Variants in ZC3H18 observed in about 807,000 individuals in gnomAD.
The protein encoded by ZC3H18 is zinc finger CCCH-type containing 18.
In ZC3H18, 8 loss-of-function variants were observed where a neutral mutation model predicts 106.1. That is an observed-to-expected ratio of 0.08 (90% confidence interval 0.04 to 0.14). The LOEUF is 0.14. ZC3H18 is among the 10% of genes least tolerant of loss of function. ZC3H18 has a pLI of 1.00. For synonymous variants in ZC3H18, 635 were observed against 522.1 expected (o/e 1.22, Z -2.95); for missense variants, 1,318 against 1,278.4 (o/e 1.03, Z -0.47).
At chr16:88,622,090 T>C in intron 8 of ZC3H18, 107 bp from the exon 9 acceptor site, 1 of 1,333,886 alleles carries the variant, frequency 7.5e-7, no homozygotes, top group Non-Finnish European at 1.0e-6. Context: ...AGGTGATCCT[T>C]AAATAAGCCA....
At chr16:88,579,818 A>G (rs1327022644) in intron 2 of ZC3H18, among the ~76,000 whole-genome samples, 1 of 152,106 alleles carries the variant, frequency 6.6e-6, no homozygotes, top group Non-Finnish European at 1.5e-5. Context: ...AGCGCCCCAC[A>G]TCCCCCATAG....
At chr16:88,571,144 C>G (rs879001344) in intron 1 of ZC3H18, among the ~76,000 whole-genome samples, 1 of 152,210 alleles carries the variant, frequency 6.6e-6, no homozygotes, top group Non-Finnish European at 1.5e-5. Flanking sequence ...TTTATATAGA[C>G]CAACTGCAGC....
intron 6 of ZC3H18, among the ~76,000 whole-genome samples, chr16:88,606,059 G>A (rs1904996293): frequency 6.6e-6 from 1 of 152,218 alleles, no homozygotes; most frequent in South Asian, 2.1e-4. Context: ...CGAGGTGCGA[G>A]CCTCCCAGTT....
intron 2 of ZC3H18, among the ~76,000 whole-genome samples, chr16:88,586,251 C>G (rs184375135): frequency 6.6e-6 from 1 of 152,158 alleles, no homozygotes; most frequent in African/African-American, 2.4e-5. Context: ...ATATTTTGTT[C>G]TCCATATTTT....
In ZC3H18 at chr16:88,577,325, G is replaced by A. The variant is rs761106825; in HGVS notation, c.202G>A (p.Asp68Asn). The change falls in exon 2 of 18, where the codon GAC (aspartate) becomes AAC (asparagine). Residue 68 changes from aspartate to asparagine, a missense_variant. This residue lies in a region of ZC3H18 where 346 missense variants were observed against 269.0 expected (regional missense o/e 1.29). Coordinates refer to ENST00000301011, the MANE Select transcript of ZC3H18 (RefSeq NM_144604.4). ...PSQEEEDNHS[D>N]EEDRASEPKS... ...CCAGGAGGAGGAAGATAATCACTCC[G>A]ACGAGGAGGACCGGGCAAGTGAGCC... is the stretch of plus-strand genomic sequence containing the variant. 15 of 1,609,590 alleles carry A rather than the reference G, an allele frequency of 9.3e-6. No homozygotes were observed. Among genetic ancestry groups the A allele is most frequent in the South Asian group, 2.2e-5 (2 of 90,508 alleles).
At chr16:88,593,848 G>C (rs1373856996) in intron 3 of ZC3H18, among the ~76,000 whole-genome samples, 1 of 152,230 alleles carries the variant, frequency 6.6e-6, no homozygotes, top group East Asian at 1.9e-4. Context: ...CAGCTTCTCA[G>C]TGTGTCAGGA....
chr16:88,574,291 C>T (rs1306987931), intron 1 of ZC3H18, among the ~76,000 whole-genome samples: 1 of 151,610 alleles, frequency 6.6e-6, no homozygotes, highest in African/African-American at 2.4e-5. Flanking sequence ...CTCACTGCAA[C>T]CACTGTCTCC....
chr16:88,615,101 C>T (rs1323323422), intron 8 of ZC3H18, among the ~76,000 whole-genome samples: 2 of 147,242 alleles, frequency 1.4e-5, no homozygotes, highest in African/African-American at 2.5e-5. Context: ...TCTGCCTGGA[C>T]GGGCTGCCCC....
intron 3 of ZC3H18, among the ~76,000 whole-genome samples, chr16:88,595,343 G>A (rs550812876): frequency 1.3e-5 from 2 of 152,274 alleles, no homozygotes; most frequent in South Asian, 4.1e-4. Context: ...CCATGTCTGT[G>A]TACACAGTAT....
intron 3 of ZC3H18, among the ~76,000 whole-genome samples, chr16:88,596,986 T>C (rs980881127): frequency 1.3e-5 from 2 of 152,310 alleles, no homozygotes; most frequent in African/African-American, 2.4e-5. Flanking sequence ...AGTGGCACGA[T>C]CTCGGCTCAC....
chr16:88,612,045 T>C (rs1205623852), intron 8 of ZC3H18, among the ~76,000 whole-genome samples: 5 of 152,144 alleles, frequency 3.3e-5, no homozygotes, highest in Non-Finnish European at 5.9e-5. Context: ...GCTGCTGTTT[T>C]TCCTTTGCGG....
intron 3 of ZC3H18, among the ~76,000 whole-genome samples, chr16:88,593,770 A>G (rs898607353): frequency 1.3e-5 from 2 of 152,246 alleles, no homozygotes; most frequent in African/African-American, 4.8e-5. Flanking sequence ...TTCAAGGAGA[A>G]CAACGGACAG....
rs1268956216 is a variant in ZC3H18 at position 88,625,280 on chromosome 16, A to T, written c.2108+13A>T. ...GCTCCCGATCCAGGTCATCCCCATCACCCTGTGCCTCTGTTTCTCCCTCCC... is the reference window on the plus strand; with the variant it reads ...GCTCCCGATCCAGGTCATCCCCATCTCCCTGTGCCTCTGTTTCTCCCTCCC... On this transcript the variant is annotated intron_variant, in intron 13 of 17. Transcript: ENST00000301011. 1 of 1,577,378 alleles carries T rather than the reference A, an allele frequency of 6.3e-7. No homozygotes were observed. The highest frequency in any genetic ancestry group is 8.6e-7 in the Non-Finnish European group (1 of 1,161,728).
intron 3 of ZC3H18, among the ~76,000 whole-genome samples, chr16:88,588,739 G>C (rs1313491984): frequency 6.6e-6 from 1 of 152,040 alleles, no homozygotes; most frequent in South Asian, 2.1e-4. Context: ...ACTTAGCAGG[G>C]TTTGGTGGCA....
At chr16:88,591,040 G>A (rs941539511) in intron 3 of ZC3H18, among the ~76,000 whole-genome samples, 4 of 150,256 alleles carry the variant, frequency 2.7e-5, no homozygotes, top group African/African-American at 4.9e-5. Flanking sequence ...GCACCATCTC[G>A]GCTCACTGCA....
rs1308856208 is a variant in ZC3H18, at chr16:88,573,510, C to T, written c.-15+2944C>T. Among the ~76,000 whole-genome samples the T allele has an allele frequency of 3.9e-5, 6 of 151,992 alleles. 1 individual carries two copies. Among genetic ancestry groups the T allele is most frequent in the African/African-American group, 7.2e-5 (3 of 41,416 alleles). ...CTGCAGAAATGCTCTGTGCATCAAG[C>T]GCCCCTGTGATACTGTTTGGGGATC... On this transcript the variant is annotated intron_variant, in intron 1 of 17. Transcript: ENST00000301011.
chr16:88,606,584 T>G (rs1309320937), intron 6 of ZC3H18, among the ~76,000 whole-genome samples: 3 of 152,074 alleles, frequency 2.0e-5, no homozygotes. Flanking sequence ...GCCCACCGAG[T>G]AGTTGGGGGC....
intron 1 of ZC3H18, among the ~76,000 whole-genome samples, chr16:88,575,081 G>C (rs1254249348): frequency 6.7e-6 from 1 of 148,852 alleles, no homozygotes; most frequent in East Asian, 2.0e-4. Flanking sequence ...CACCCGCCTC[G>C]GCCTCCCAAA....
intron 15 of ZC3H18, 106 bp from the exon 16 acceptor site, chr16:88,628,652 T>G: frequency 1.6e-6 from 2 of 1,233,438 alleles, no homozygotes; most frequent in South Asian, 1.3e-5. Context: ...GGTGGGACCT[T>G]TGGGAGCAGA....
Sources: allele counts gnomAD v4.1 joint callset (sites outside exome capture counted in the v4.1 genomes callset), GRCh38; gene constraint gnomAD v4.1.1; regional missense constraint gnomAD v4.1.1; transcripts MANE v1.5; gene names NCBI Gene and HGNC (gene_info 2026-07-23, HGNC 2026-07-21).